The following AOX1 variants were observed in gnomAD, a reference collection of about 807,000 sequenced individuals.
The protein encoded by AOX1 is aldehyde oxidase 1.
AOX1 carries 153 observed loss-of-function variants against 169.5 expected under a neutral mutation model. The ratio of observed to expected loss-of-function variants is 0.90; its 90% CI spans 0.79 to 1.03. The LOEUF (loss-of-function observed/expected upper bound fraction) is 1.03. Among genes scored for constraint, AOX1 ranks in the 50% least tolerant of loss-of-function variants. The pLI is 0.00. For synonymous variants in AOX1, 562 were observed against 581.9 expected (o/e 0.97, Z 0.49); for missense variants, 1,656 against 1,663.9 (o/e 1.00, Z 0.08).
chr2:200,655,393 T>C, intron 26 of AOX1, among the ~76,000 whole-genome samples: 1 of 152,034 alleles, frequency 6.6e-6, no homozygotes, highest in East Asian at 1.9e-4. Context: ...CTTCCTTACC[T>C]TTATTATTTT....
In AOX1 at chr2:200,670,631, T is replaced by A; in HGVS notation, c.3969T>A (p.Ile1323=). The change falls in exon 35 of 35, where the codon ATT becomes ATA. Residue 1323 remains isoleucine (I), a splice_region_variant and synonymous_variant. Transcript: ENST00000374700. ...ATCCAGATTTGTTTTTATTTTAGAT[T>A]CCGAGAGATGAACCTGGATCCTACG... ...MACEDKFTKM[I]PRDEPGSYVP... 6.2e-7 allele frequency: 1 copy of A among 1,611,962 alleles called. No homozygotes were observed. Among genetic ancestry groups the A allele is most frequent in the Non-Finnish European group, 8.5e-7 (1 of 1,179,262 alleles).
At chr2:200,604,222 C>A in intron 8 of AOX1, 125 bp downstream of exon 8, 1 of 726,318 alleles carries the variant, frequency 1.4e-6, no homozygotes, top group South Asian at 1.7e-5. Flanking sequence ...TCATCCTTAG[C>A]TCAAGGTCTA....
chr2:200,653,082 A>C (rs2035613740), intron 26 of AOX1, among the ~76,000 whole-genome samples: 1 of 152,152 alleles, frequency 6.6e-6, no homozygotes, highest in African/African-American at 2.4e-5. Context: ...GGTAGAGGTA[A>C]GGCTGGGGCT....
intron 26 of AOX1, among the ~76,000 whole-genome samples, chr2:200,651,570 T>G (rs1442788828): frequency 6.6e-6 from 1 of 152,272 alleles, no homozygotes; most frequent in Admixed American, 6.5e-5. Flanking sequence ...CCTCTTCCAG[T>G]GTCCGCAATT....
downstream of AOX1, among the ~76,000 whole-genome samples, chr2:200,672,108 C>T (rs1165624576): frequency 6.6e-6 from 1 of 152,190 alleles, no homozygotes. Flanking sequence ...AATTCACAGA[C>T]ACAAAGTAGA....
chr2:200,632,697 C>T (rs184093044), intron 20 of AOX1, among the ~76,000 whole-genome samples: 178 of 151,772 alleles, frequency 1.2e-3, no homozygotes, highest in African/African-American at 3.9e-3. Context: ...AGGGTAAATC[C>T]GTTTAAAACA....
intron 27 of AOX1, 100 bp from the exon 28 acceptor site, chr2:200,659,065 C>T (rs2035752509): frequency 4.4e-6 from 5 of 1,144,042 alleles, no homozygotes; most frequent in Non-Finnish European, 6.1e-6. Flanking sequence ...TTGTCCCTGT[C>T]ATGGGTATGA....
chr2:200,592,085 A>G (rs2034184921), intron 1 of AOX1, among the ~76,000 whole-genome samples: 2 of 152,206 alleles, frequency 1.3e-5, no homozygotes, highest in Non-Finnish European at 2.9e-5. Context: ...TTTGGAAAAT[A>G]AAATAAAGAG....
intron 27 of AOX1, among the ~76,000 whole-genome samples, chr2:200,657,186 A>ATTTTTTTTTT (rs1323706482): frequency 7.6e-5 from 5 of 65,774 alleles, no homozygotes; most frequent in African/African-American, 2.6e-4. Flanking sequence ...ATATATATAT[A>ATTTTTTTTTT]TATATTTTTT....
intron 27 of AOX1, 57 bp downstream of exon 27, chr2:200,656,994 G>A: frequency 8.4e-7 from 1 of 1,188,214 alleles, no homozygotes; most frequent in Admixed American, 2.5e-5. Context: ...CTGTTCATGA[G>A]AGAAAAACTA....
At chr2:200,669,860 C>A in intron 34 of AOX1, 118 bp downstream of exon 34, 1 of 1,106,254 alleles carries the variant, frequency 9.0e-7, no homozygotes. Flanking sequence ...GAAAAGGTGA[C>A]GGGAAACCTG....
In AOX1 at chr2:200,613,872, C is replaced by T. The variant is rs372254242; in HGVS notation, c.1517C>T (p.Ser506Leu). ...LILNEVSLLGSAPGGKVEFKR... is the reference protein window; with the variant it reads ...LILNEVSLLGLAPGGKVEFKR... ...CTGAATGAAGTCTCCCTTTTGGGCT[C>T]GGCGCCAGGTGGGAAAGTGGAGTTC... is the stretch of plus-strand genomic sequence containing the variant. Residue 506 changes from serine (S) to leucine (L), a missense_variant, in exon 15 of 35, where the codon TCG (serine) becomes TTG (leucine). Transcript: ENST00000374700. 72 of 1,612,550 alleles carry T rather than the reference C, an allele frequency of 4.5e-5. No homozygotes were observed. The highest frequency in any genetic ancestry group is 5.4e-5 in the Non-Finnish European group (64 of 1,179,978).
At chr2:200,634,711 G>A in intron 20 of AOX1, 80 bp from the exon 21 acceptor site, 2 of 1,550,684 alleles carry the variant, frequency 1.3e-6, no homozygotes, top group Non-Finnish European at 1.8e-6. Flanking sequence ...TGGAATTTCT[G>A]CATAACGGGA....
At chr2:200,628,967 A>G (rs982902892) in intron 20 of AOX1, among the ~76,000 whole-genome samples, 4 of 152,040 alleles carry the variant, frequency 2.6e-5, no homozygotes, top group Admixed American at 6.6e-5. Flanking sequence ...CACAACTCCC[A>G]TCTTCTTAAT....
chr2:200,651,511 G>A (rs2035580222), intron 26 of AOX1, among the ~76,000 whole-genome samples: 1 of 152,144 alleles, frequency 6.6e-6, no homozygotes, highest in Admixed American at 6.5e-5. Context: ...TCTGGGCTCA[G>A]ACTGCTCATG....
chr2:200,663,596 T>TCTCTCTCCC (rs141563329), intron 31 of AOX1, among the ~76,000 whole-genome samples: 26 of 148,032 alleles, frequency 1.8e-4, no homozygotes, highest in East Asian at 1.4e-3. Flanking sequence ...TCTCTCTCTC[T>TCTCTCTCCC]CCCCCTCTTT....
In AOX1 at chr2:200,651,093, G is replaced by A. The variant is rs2035572100; in HGVS notation, c.2967G>A (p.Arg989=). The A allele has an allele frequency of 6.2e-7, 1 of 1,614,068 alleles. No homozygotes were observed. Among genetic ancestry groups the A allele is most frequent in the African/African-American group, 1.3e-5 (1 of 74,924 alleles). The change falls in exon 26 of 35, where the codon AGG becomes AGA. Residue 989 remains arginine (R), a synonymous_variant. Coordinates refer to ENST00000374700, the MANE Select transcript of AOX1 (RefSeq NM_001159.4). ...ECMAMSSYSL[R]KVAVEKFNAE... ...TGGCCATGTCTTCCTACTCCTTGAGGAAAGTTGCTGTGGAAAAGTTCAATG... is the reference window on the plus strand; with the variant it reads ...TGGCCATGTCTTCCTACTCCTTGAGAAAAGTTGCTGTGGAAAAGTTCAATG...
intron 13 of AOX1, among the ~76,000 whole-genome samples, 168 bp downstream of exon 13, chr2:200,611,661 C>G (rs1196065062): frequency 1.3e-5 from 2 of 151,250 alleles, no homozygotes; most frequent in Non-Finnish European, 2.9e-5. Context: ...GAATAGTTGC[C>G]TTTTCCTTGT....
intron 33 of AOX1, 112 bp from the exon 34 acceptor site, chr2:200,669,463 A>AATT: frequency 8.2e-7 from 1 of 1,214,828 alleles, no homozygotes; most frequent in Non-Finnish European, 1.2e-6. Context: ...AAAAAAAAAA[A>AATT]TGTACATATG....
Sources: allele counts gnomAD v4.1 joint callset (sites outside exome capture counted in the v4.1 genomes callset), GRCh38; gene constraint gnomAD v4.1.1; transcripts MANE v1.5; gene names NCBI Gene and HGNC (gene_info 2026-07-23, HGNC 2026-07-21).